The following C2orf92 variants were observed in gnomAD, a reference collection of about 807,000 sequenced individuals.
C2orf92 encodes the protein uncharacterized protein C2orf92.
intron 3 of C2orf92, among the ~76,000 whole-genome samples, chr2:97,681,437 A>G (rs1675771394): frequency 6.6e-6 from 1 of 152,208 alleles, no homozygotes; most frequent in African/African-American, 2.4e-5. Context: ...CTCTTAAATA[A>G]TCAATGGGTC....
At chr2:97,673,982 CT>C (rs1171530419) in intron 1 of C2orf92, among the ~76,000 whole-genome samples, 1 of 152,190 alleles carries the variant, frequency 6.6e-6, no homozygotes, top group African/African-American at 2.4e-5. Context: ...GCCATAGTTG[CT>C]GTACCGGTTA....
At chr2:97,666,397 C>T (rs148636329), upstream of C2orf92, among the ~76,000 whole-genome samples, 1,076 of 151,866 alleles carry the variant, frequency 7.1e-3, 15 homozygotes, top group African/African-American at 0.024. Flanking sequence ...AGTAGCTGGG[C>T]GTGGTGGCAT....
intron 6 of C2orf92, among the ~76,000 whole-genome samples, chr2:97,700,721 A>G (rs1230781849): frequency 7.7e-6 from 1 of 129,556 alleles, no homozygotes; most frequent in African/African-American, 2.5e-5. Context: ...TAAGATGCCA[A>G]GGTTTTTTGT....
upstream of C2orf92, among the ~76,000 whole-genome samples, chr2:97,665,504 C>T (rs1271477640): frequency 2.0e-5 from 3 of 151,968 alleles, no homozygotes; most frequent in Non-Finnish European, 4.4e-5. Context: ...CAGAGTAGGC[C>T]ATCCTCAGAA....
chr2:97,677,366 G>A (rs751729990), intron 3 of C2orf92: 2 of 152,214 alleles, frequency 1.3e-5, no homozygotes, highest in Non-Finnish European at 2.9e-5. Context: ...AAGCAGCCCT[G>A]TTGAGGGGAT....
intron 5 of C2orf92, chr2:97,697,142 G>A (rs1676332822): frequency 6.6e-6 from 1 of 152,196 alleles, no homozygotes; most frequent in African/African-American, 2.4e-5. Context: ...CTTGTAATGG[G>A]TGGCTGCTCC....
chr2:97,673,571 A>G (rs1361270986), intron 1 of C2orf92, among the ~76,000 whole-genome samples: 1 of 152,136 alleles, frequency 6.6e-6, no homozygotes, highest in Non-Finnish European at 1.5e-5. Context: ...ACTGTGGTCA[A>G]CTGAATCCAG....
upstream of C2orf92, chr2:97,668,502 C>T (rs994402294): frequency 6.6e-6 from 1 of 152,162 alleles, no homozygotes; most frequent in Non-Finnish European, 1.5e-5. Context: ...GAGCCCACGT[C>T]CTGGAACAGA....
At chr2:97,674,983 G>A (rs762817711) in intron 2 of C2orf92, among the ~76,000 whole-genome samples, 53 of 152,228 alleles carry the variant, frequency 3.5e-4, no homozygotes, top group African/African-American at 1.1e-3. Flanking sequence ...GTCTTCCTGC[G>A]TCCCTCCCTG....
At chr2:97,678,356 A>G (rs1675653248) in intron 3 of C2orf92, among the ~76,000 whole-genome samples, 1 of 152,096 alleles carries the variant, frequency 6.6e-6, no homozygotes, top group African/African-American at 2.4e-5. Context: ...ACATTATGGG[A>G]GTCTCAGAAG....
rs1676038894 is a variant in C2orf92 at position 97,688,623 on chromosome 2, AGG to A, written c.233-270_233-269del. Among the ~76,000 whole-genome samples, 3 of 152,306 alleles carry A rather than the reference AGG, an allele frequency of 2.0e-5. No individual in the cohort carries two copies. The South Asian group carries it at 6.2e-4, about 32-fold the overall frequency. ...GACAACAGAAACCAGAAGAGTTATT[AGG>A]GCACTAAGTATCAGGAGATCTGGGG... On this transcript the variant is annotated intron_variant, in intron 3 of 7. Coordinates refer to ENST00000627399, the MANE Select transcript of C2orf92 (RefSeq NM_001351368.2).
rs1559303440 is a variant in C2orf92 at position 97,688,954 on chromosome 2, A to G, written c.292A>G (p.Thr98Ala). 2.5e-6 allele frequency: 1 copy of G among 398,516 alleles called. No homozygotes were observed. Among genetic ancestry groups the G allele is most frequent in the African/African-American group, 2.1e-5 (1 of 48,636 alleles). 24.7% of individuals were successfully genotyped at this position (398,516 alleles called of 1,614,324 possible). A position where few individuals can be genotyped will look rare whatever the true frequency, so the allele number is the denominator to read the frequency against. ...FPYDPSFNEATAVRSITKTDM... is the reference protein window; with the variant it reads ...FPYDPSFNEAAAVRSITKTDM... ...GTATGACCCATCATTTAACGAAGCA[A>G]CAGCAGTCAGATCCATTACAAAGAC... Residue 98 changes from threonine to alanine, a missense_variant, in exon 4 of 8, where the codon ACA becomes GCA. Coordinates refer to ENST00000627399, the MANE Select transcript of C2orf92 (RefSeq NM_001351368.2).
At chr2:97,677,049 A>G (rs1675607299) in intron 3 of C2orf92, among the ~76,000 whole-genome samples, 1 of 152,210 alleles carries the variant, frequency 6.6e-6, no homozygotes, top group African/African-American at 2.4e-5. Flanking sequence ...GTCTAGTAGA[A>G]CACTTGCAGT....
chr2:97,697,853 T>G (rs531032854), intron 5 of C2orf92: 3 of 152,436 alleles, frequency 2.0e-5, no homozygotes, highest in African/African-American at 7.2e-5. Flanking sequence ...TCAGCCTTTC[T>G]AGTAGCTGGG....
intron 1 of C2orf92, 46 bp downstream of exon 1, chr2:97,669,880 G>A (rs1280680995): frequency 5.0e-6 from 2 of 398,486 alleles, no homozygotes; most frequent in African/African-American, 4.1e-5. Context: ...CTCACTTCAA[G>A]CCTAAGTGGG....
upstream of C2orf92, among the ~76,000 whole-genome samples, chr2:97,666,466 G>A (rs1167116168): frequency 6.6e-6 from 1 of 151,136 alleles, no homozygotes; most frequent in Non-Finnish European, 1.5e-5. Context: ...GAACCCAGGA[G>A]GCGGAGGTTG....
At chr2:97,666,188 A>G (rs945073294), upstream of C2orf92, among the ~76,000 whole-genome samples, 3 of 151,812 alleles carry the variant, frequency 2.0e-5, no homozygotes, top group Non-Finnish European at 4.4e-5. Flanking sequence ...TCTTTTAGCC[A>G]TAGCATCTTA....
At position 97,701,261 on chromosome 2, in the gene C2orf92, T is replaced by C. The variant is rs919070139; in HGVS notation, c.622T>C (p.Leu208=). 7.5e-6 allele frequency: 3 copies of C among 398,976 alleles called. No individual in the cohort carries two copies. The highest frequency in any genetic ancestry group is 1.3e-5 in the Non-Finnish European group (3 of 226,082). 24.7% of individuals were successfully genotyped at this position (398,976 alleles called of 1,614,324 possible). A position where few individuals can be genotyped will look rare whatever the true frequency, so the allele number is the denominator to read the frequency against. The change falls in exon 7 of 8, where the codon TTG becomes CTG. Residue 208 remains leucine (L), a synonymous_variant. Coordinates refer to ENST00000627399, the MANE Select transcript of C2orf92 (RefSeq NM_001351368.2). The stretch of plus-strand genomic sequence containing the variant: ...GGCCATCCTCATGGCCATCGTGCTG[T>C]TGCTGCTTGGGTTGGCCTCATACAT... The part of the protein sequence containing the change: ...GVAILMAIVL[L]LLGLASYIRK...
chr2:97,701,142 C>G lies in C2orf92; in HGVS notation c.515-12C>G, dbSNP rs946123598. ...TATCTCTGTTCACTCTGCGCTGTGT[C>G]TTCTCATTTAGATGCTCACTTTAGG... On this transcript the variant is annotated splice_polypyrimidine_tract_variant and intron_variant, in intron 6 of 7. Transcript: ENST00000627399. 2.5e-6 allele frequency: 1 copy of G among 398,934 alleles called. No individual in the cohort carries two copies. The allele number at this position is 398,934 out of a possible 1,614,324, so 24.7% of individuals were successfully genotyped here. A position where few individuals can be genotyped will look rare whatever the true frequency, so the allele number is the denominator to read the frequency against.
Sources: gnomAD v4.1 joint callset for allele counts (sites outside exome capture counted in the v4.1 genomes callset) on GRCh38, gnomAD v4.1.1 for gene constraint, MANE v1.5 for transcripts, NCBI Gene and HGNC (gene_info 2026-07-23, HGNC 2026-07-21) for gene names.